Variants in ASAP2 observed in about 807,000 individuals in gnomAD.
ASAP2 encodes ArfGAP with SH3 domain, ankyrin repeat and PH domain 2.
Under a neutral mutation model 131.4 loss-of-function variants are expected in ASAP2, and 45 were observed. The ratio of observed to expected loss-of-function variants is 0.34; its 90% CI spans 0.27 to 0.44. The LOEUF is 0.44. ASAP2 is among the 20% of genes least tolerant of loss of function. The pLI is 1.00. For synonymous variants in ASAP2, 510 were observed against 503.0 expected, an observed-to-expected ratio of 1.01 and a Z score of -0.19; for missense variants, 1,011 against 1,297.0, an observed-to-expected ratio of 0.78 and a Z score of 3.39.
chr2:9,372,280 C>T (rs1674040826), intron 16 of ASAP2, among the ~76,000 whole-genome samples: 1 of 152,044 alleles, frequency 6.6e-6, no homozygotes, highest in Non-Finnish European at 1.5e-5. Context: ...GAGCATCTCC[C>T]TGGGTGTCAC....
In ASAP2 at chr2:9,366,727, T is replaced by G. The variant is rs190481098; in HGVS notation, c.1462-1698T>G. 1.4e-4 allele frequency among the ~76,000 whole-genome samples: 21 copies of G among 152,296 alleles called. No homozygotes were observed. The East Asian group carries it at 4.1e-3, about 29-fold the overall frequency. On this transcript the variant is annotated intron_variant, in intron 15 of 27. Transcript: ENST00000281419. ...TGGAGTTGGTTAATGTTTTATGCTT[T>G]GGGCCGCCTAGAAAAAGCTTTTTCC...
chr2:9,207,454 G>T lies in ASAP2; in HGVS notation c.126+224G>T, dbSNP rs1052209337. On this transcript the variant is annotated intron_variant, in intron 1 of 27. Coordinates refer to ENST00000281419, the MANE Select transcript of ASAP2 (RefSeq NM_003887.3). This position sits in a 1 kb window ranked among gnomAD's most constrained non-coding sequence, Gnocchi z 4.1. ...TTAAGACCTCCCCTCTCTCGGCCTC[G>T]TGGCCCTCGCGGGGTTCCGCGGCCT... is the stretch of plus-strand genomic sequence containing the variant. Among the ~76,000 whole-genome samples, 1 of 152,078 alleles carries T rather than the reference G, an allele frequency of 6.6e-6. No individual in the cohort carries two copies. The highest frequency in any genetic ancestry group is 1.5e-5 in the Non-Finnish European group (1 of 67,976).
chr2:9,229,114 A>AGTACAGATGTACTAAACATCT (rs1318969337), intron 1 of ASAP2, among the ~76,000 whole-genome samples: 2 of 152,174 alleles, frequency 1.3e-5, no homozygotes, highest in Non-Finnish European at 2.9e-5. Flanking sequence ...GCGGAGTTTT[A>AGTACAGATGTACTAAACATCT]GTACAGATGT....
rs562485771 is a variant in ASAP2, at chr2:9,400,772, C to G, written c.2765C>G (p.Pro922Arg). The G allele has an allele frequency of 6.2e-7, 1 of 1,613,658 alleles. No individual in the cohort carries two copies. Among genetic ancestry groups the G allele is most frequent in the African/African-American group, 1.3e-5 (1 of 74,934 alleles). Reference sequence around the variant, plus strand: ...CTCTCTGCAACGGAAGCTCTGGGTCCTCTGTCCAATGCTATGGTCCTGCAG... The same window carrying G: ...CTCTCTGCAACGGAAGCTCTGGGTCGTCTGTCCAATGCTATGGTCCTGCAG... ...VDLSATEALG[P>R]LSNAMVLQPP... The change falls in exon 26 of 28, where the codon CCT becomes CGT. Residue 922 changes from proline to arginine, a missense_variant. Around this residue, in one of 2 missense-constraint regions of ASAP2, gnomAD observed 652 missense variants for 698.9 expected, o/e 0.93. Coordinates refer to ENST00000281419, the MANE Select transcript of ASAP2 (RefSeq NM_003887.3).
chr2:9,388,422 C>T lies in ASAP2; in HGVS notation c.2259C>T (p.Phe753=), dbSNP rs372414191. ...ANLAKEKQRA[F]MPSILQNETY... is the part of the protein sequence containing the mutation. Reference sequence around the variant, plus strand: ...TTGCCAAGGAGAAGCAGAGGGCTTTCATGCCCAGCATCTTGCAGAATGAGA... The same window carrying T: ...TTGCCAAGGAGAAGCAGAGGGCTTTTATGCCCAGCATCTTGCAGAATGAGA... The change falls in exon 22 of 28, where the codon TTC becomes TTT. Residue 753 remains phenylalanine (F), a synonymous_variant. Transcript: ENST00000281419. 1.9e-5 allele frequency: 30 copies of T among 1,614,040 alleles called. No homozygotes were observed. The African/African-American group carries it at 4.0e-4, about 22-fold the overall frequency.
At chr2:9,391,843 C>T (rs961419202) in intron 23 of ASAP2, among the ~76,000 whole-genome samples, 1 of 151,784 alleles carries the variant, frequency 6.6e-6, no homozygotes, top group Non-Finnish European at 1.5e-5. Context: ...CCTCAGCCTC[C>T]CAGAGTTCTG....
At chr2:9,273,513 A>T (rs1666552240) in intron 1 of ASAP2, among the ~76,000 whole-genome samples, 1 of 152,242 alleles carries the variant, frequency 6.6e-6, no homozygotes, top group Non-Finnish European at 1.5e-5. Context: ...GAGGAAGAGT[A>T]ATTCACGCAG....
intron 3 of ASAP2, among the ~76,000 whole-genome samples, chr2:9,307,539 C>T (rs576311440): frequency 6.6e-6 from 1 of 152,308 alleles, no homozygotes; most frequent in Non-Finnish European, 1.5e-5. Context: ...TGCTGCCCTC[C>T]GGCTCCCAGA....
intron 7 of ASAP2, among the ~76,000 whole-genome samples, chr2:9,332,802 A>G (rs1208197029): frequency 6.6e-6 from 1 of 152,252 alleles, no homozygotes; most frequent in Non-Finnish European, 1.5e-5. Context: ...AAATAGTTAC[A>G]TAAAGAAAAA....
intron 1 of ASAP2, among the ~76,000 whole-genome samples, chr2:9,262,629 G>C (rs1354847242): frequency 6.6e-6 from 1 of 152,222 alleles, no homozygotes; most frequent in Non-Finnish European, 1.5e-5. Context: ...AAGGGATCCA[G>C]CACTGGGTTT....
intron 1 of ASAP2, among the ~76,000 whole-genome samples, chr2:9,208,714 G>A (rs1661324901): frequency 6.6e-6 from 1 of 152,192 alleles, no homozygotes; most frequent in South Asian, 2.1e-4. Flanking sequence ...GCCTTCAAAT[G>A]AGGCAGATGG....
intron 20 of ASAP2, 131 bp from the exon 21 acceptor site, chr2:9,385,114 C>T: frequency 3.0e-6 from 2 of 657,210 alleles, no homozygotes; most frequent in Admixed American, 2.6e-5. Context: ...GGGGGCTTCA[C>T]CTGAGACCCA....
chr2:9,374,814 A>G lies in ASAP2; in HGVS notation c.1616A>G (p.Lys539Arg). The G allele has an allele frequency of 1.2e-6, 2 of 1,613,412 alleles. No homozygotes were observed. Among genetic ancestry groups the G allele is most frequent in the Non-Finnish European group, 1.7e-6 (2 of 1,179,822 alleles). The change falls in exon 17 of 28, where the codon AAG becomes AGG. Residue 539 changes from lysine to arginine, a missense_variant. Transcript: ENST00000281419. ...ATCGAGAGGAGATACGCAAGGAAGAAGCACGCGGATAACGCGGCGAAGCTT... is the reference window on the plus strand; with the variant it reads ...ATCGAGAGGAGATACGCAAGGAAGAGGCACGCGGATAACGCGGCGAAGCTT... ...KYIERRYARK[K>R]HADNAAKLHS... is the part of the protein sequence containing the mutation.
At chr2:9,347,900 C>G (rs1007704838) in intron 11 of ASAP2, among the ~76,000 whole-genome samples, 1 of 152,090 alleles carries the variant, frequency 6.6e-6, no homozygotes, top group South Asian at 2.1e-4. Context: ...CCTGACAAAT[C>G]GGGAAAAAAT....
intron 3 of ASAP2, among the ~76,000 whole-genome samples, chr2:9,317,369 ACCC>A (rs953306985): frequency 7.3e-5 from 10 of 137,916 alleles, no homozygotes; most frequent in East Asian, 2.2e-4. Flanking sequence ...ATTCACATTC[ACCC>A]CCAACTCACA....
intron 1 of ASAP2, among the ~76,000 whole-genome samples, chr2:9,243,877 C>G (rs1403337116): frequency 6.6e-6 from 1 of 152,124 alleles, no homozygotes; most frequent in Non-Finnish European, 1.5e-5. Context: ...GTAAAAATAG[C>G]CAGCAATTTT....
rs70948813 is a variant in ASAP2 at position 9,264,195 on chromosome 2, AAATAATAATAAT to A, written c.127-15104_127-15093del. ...CAGTGAGTGAGACCCTGTCTCAAAAAAATAATAATAATAATAATAATAATAATAAACACAAGT... is the reference window on the plus strand; with the variant it reads ...CAGTGAGTGAGACCCTGTCTCAAAAAAATAATAATAATAATAAACACAAGT... On this transcript the variant is annotated intron_variant, in intron 1 of 27. Coordinates refer to ENST00000281419, the MANE Select transcript of ASAP2 (RefSeq NM_003887.3). Among the ~76,000 whole-genome samples the A allele has an allele frequency of 3.2e-4, 45 of 141,930 alleles. 1 individual carries two copies. The highest frequency in any genetic ancestry group is 4.5e-4 in the South Asian group (2 of 4,480). The allele number at this position is 141,930 out of a possible 152,430, so 93.1% of individuals were successfully genotyped here.
rs187915336 is a variant in ASAP2 at position 9,394,739 on chromosome 2, C to T, written c.2684+1092C>T. 9.8e-5 allele frequency among the ~76,000 whole-genome samples: 15 copies of T among 152,344 alleles called. No individual in the cohort carries two copies. The East Asian group carries it at 2.7e-3, about 27-fold the overall frequency. ...CTAGTAACAAACCACACCAGACTGACAGACATGAGGCACAGCCAGTTTATT... is the reference window on the plus strand; with the variant it reads ...CTAGTAACAAACCACACCAGACTGATAGACATGAGGCACAGCCAGTTTATT... On this transcript the variant is annotated intron_variant, in intron 24 of 27. Coordinates refer to ENST00000281419, the MANE Select transcript of ASAP2 (RefSeq NM_003887.3).
chr2:9,292,266 C>T (rs959370746), intron 2 of ASAP2, among the ~76,000 whole-genome samples: 17 of 151,920 alleles, frequency 1.1e-4, no homozygotes, highest in African/African-American at 3.9e-4. Flanking sequence ...GTAGGCTGGG[C>T]GTGGTGGCTT....
Sources: allele counts gnomAD v4.1 joint callset (sites outside exome capture counted in the v4.1 genomes callset), GRCh38; gene constraint gnomAD v4.1.1; regional missense constraint gnomAD v4.1.1; non-coding constraint Gnocchi (gnomAD v3.1); transcripts MANE v1.5; gene names NCBI Gene and HGNC (gene_info 2026-07-23, HGNC 2026-07-21).